PKD1L1: variants seen among roughly 807,000 people sequenced by gnomAD.
PKD1L1 encodes polycystin-1-like protein 1.
A neutral mutation model predicts 323.4 loss-of-function variants in PKD1L1; 236 were observed. The observed-to-expected ratio is 0.73, with a 90% confidence interval of 0.66 to 0.81. PKD1L1 has a LOEUF of 0.81. Ranked by LOEUF, PKD1L1 falls within the 40% of genes least tolerant of loss-of-function variation. The pLI is 0.00. For synonymous variants in PKD1L1, 1,344 were observed against 1,335.0 expected, an observed-to-expected ratio of 1.01 and a Z score of -0.15; for missense variants, 3,320 against 3,508.0, an observed-to-expected ratio of 0.95 and a Z score of 1.35.
At chr7:47,877,752 G>A in intron 21 of PKD1L1, 121 bp from the exon 22 acceptor site, 1 of 1,155,640 alleles carries the variant, frequency 8.7e-7, no homozygotes, top group Non-Finnish European at 1.2e-6. Context: ...CAGACCAGCA[G>A]CATCGGACTA....
At chr7:47,820,314 C>A (rs555834443) in intron 46 of PKD1L1, among the ~76,000 whole-genome samples, 2 of 152,322 alleles carry the variant, frequency 1.3e-5, no homozygotes, top group South Asian at 2.1e-4. Flanking sequence ...GGAAATTTTT[C>A]TGCTTTACAC....
intron 46 of PKD1L1, among the ~76,000 whole-genome samples, chr7:47,820,050 C>G (rs2128732134): frequency 6.6e-6 from 1 of 152,254 alleles, no homozygotes; most frequent in Non-Finnish European, 1.5e-5. Flanking sequence ...TAGCAAAGAA[C>G]CAATATTATT....
At chr7:47,922,193 CAG>C (rs1466053164) in intron 7 of PKD1L1, among the ~76,000 whole-genome samples, 1 of 152,222 alleles carries the variant, frequency 6.6e-6, no homozygotes, top group African/African-American at 2.4e-5. Flanking sequence ...GGATTGCAGA[CAG>C]AGTCTAGCTC....
chr7:47,890,129 C>T (rs970637517), intron 16 of PKD1L1, among the ~76,000 whole-genome samples: 1 of 152,216 alleles, frequency 6.6e-6, no homozygotes, highest in Non-Finnish European at 1.5e-5. Flanking sequence ...ACACTGCTGT[C>T]CCCTCCATCC....
intron 37 of PKD1L1, 55 bp from the exon 38 acceptor site, chr7:47,835,298 A>T (rs1320993632): frequency 7.9e-6 from 9 of 1,141,356 alleles, no homozygotes; most frequent in African/African-American, 3.1e-5. Flanking sequence ...CCCGCTTAAA[A>T]CGCAGTCATT....
At chr7:47,960,404 AG>A in the PKD1L1 span, among the ~76,000 whole-genome samples, 12 of 147,170 alleles carry the variant, frequency 8.2e-5, no homozygotes, top group South Asian at 2.1e-4. Flanking sequence ...ACTGTAAAAA[AG>A]AAAAAAAAAG....
chr7:47,923,202 G>A (rs771800816), intron 7 of PKD1L1, among the ~76,000 whole-genome samples: 3 of 152,088 alleles, frequency 2.0e-5, no homozygotes, highest in South Asian at 2.1e-4. Context: ...TGCGGAAGGC[G>A]GTGGGGCCCT....
At chr7:47,925,931 T>C (rs887262664) in intron 7 of PKD1L1, among the ~76,000 whole-genome samples, 12 of 151,968 alleles carry the variant, frequency 7.9e-5, no homozygotes, top group Admixed American at 2.0e-4. Context: ...GTGCAAAAAA[T>C]AAAATATCAT....
chr7:47,937,056 A>T, intron 3 of PKD1L1, 98 bp from the exon 4 acceptor site: 24 of 914,488 alleles, frequency 2.6e-5, no homozygotes, highest in Non-Finnish European at 3.8e-5. Context: ...ATAGCAGTGG[A>T]CCCCTGCTGT....
In PKD1L1 at chr7:47,792,794, A is replaced by G; in HGVS notation, c.8359T>C (p.Tyr2787His). Residue 2787 changes from tyrosine to histidine, a missense_variant, in exon 56 of 57, where the codon TAC becomes CAC. Tyr to His is a moderately conservative substitution (Grantham distance 83, BLOSUM62 2). Coordinates refer to ENST00000289672, the MANE Select transcript of PKD1L1 (RefSeq NM_138295.5). ...EEAEMVENHN[Y>H]YLDEFANLLD... ...AGATTTGCAAATTCATCCAAGTAGT[A>G]ATTCTGAAGGGAAGAAAATTAGATT... is the stretch of plus-strand genomic sequence containing the variant. 1 of 1,612,084 alleles carries G rather than the reference A, an allele frequency of 6.2e-7. No homozygotes were observed. The highest frequency in any genetic ancestry group is 8.5e-7 in the Non-Finnish European group (1 of 1,178,418).
Position 47,929,356 on chromosome 7 carries a change from C to T in PKD1L1, c.908G>A (p.Arg303Gln), listed in dbSNP as rs145088541. 5,206 of 1,614,128 alleles carry T rather than the reference C, an allele frequency of 3.2e-3. 33 individuals carry two copies. Among genetic ancestry groups the T allele is most frequent in the Non-Finnish European group, 3.3e-3 (3,939 of 1,180,010 alleles). Residue 303 changes from arginine (R) to glutamine (Q), a missense_variant, in exon 7 of 57, where the codon CGG (arginine) becomes CAG (glutamine). Coordinates refer to ENST00000289672, the MANE Select transcript of PKD1L1 (RefSeq NM_138295.5). ...VLNCSLEVEARAPPNLGFRVH... is the reference protein window; with the variant it reads ...VLNCSLEVEAQAPPNLGFRVH... The stretch of plus-strand genomic sequence containing the variant: ...ACGGAATCCCAGATTTGGAGGTGCC[C>T]GAGCTTCCACTTCCAGGGAGCAATT...
At chr7:47,922,565 C>G (rs745310069) in intron 7 of PKD1L1, among the ~76,000 whole-genome samples, 33 of 151,916 alleles carry the variant, frequency 2.2e-4, no homozygotes, top group Non-Finnish European at 4.3e-4. Flanking sequence ...AGGCCGCGAC[C>G]CCGTCTGGGA....
chr7:47,839,464 C>G lies in PKD1L1; in HGVS notation c.5751G>C (p.Gly1917=). The G allele has an allele frequency of 6.2e-7, 1 of 1,611,098 alleles. No individual in the cohort carries two copies. Among genetic ancestry groups the G allele is most frequent in the Non-Finnish European group, 8.5e-7 (1 of 1,178,940 alleles). ...RVERELTCLQ[G]GLGFRKLFYC... ...AGCCTACCTTCCGGAAGCCGAGTCCCCCTTGCAGACAGGTGAGCTCCCGCT... is the reference window on the plus strand; with the variant it reads ...AGCCTACCTTCCGGAAGCCGAGTCCGCCTTGCAGACAGGTGAGCTCCCGCT... The change falls in exon 36 of 57, where the codon GGG becomes GGC. Residue 1917 remains glycine, a synonymous_variant. Coordinates refer to ENST00000289672, the MANE Select transcript of PKD1L1 (RefSeq NM_138295.5). The surrounding 1 kb of genome is among the most constrained non-coding windows in gnomAD (Gnocchi z 4.3).
chr7:47,956,414 G>A, the PKD1L1 span, among the ~76,000 whole-genome samples: 1 of 152,172 alleles, frequency 6.6e-6, no homozygotes, highest in Non-Finnish European at 1.5e-5. Context: ...AAAGAATGGG[G>A]GTGGGGCTCA....
chr7:47,787,780 T>C (rs1487168246), intron 56 of PKD1L1, among the ~76,000 whole-genome samples: 1 of 152,166 alleles, frequency 6.6e-6, no homozygotes, highest in Non-Finnish European at 1.5e-5. Flanking sequence ...GGCATAATCA[T>C]GGCTCACTGC....
intron 13 of PKD1L1, among the ~76,000 whole-genome samples, chr7:47,899,713 T>C (rs1389738379): frequency 1.3e-5 from 2 of 151,928 alleles, no homozygotes; most frequent in African/African-American, 4.8e-5. Context: ...TCCCAGCACT[T>C]TGGGAGGCCA....
intron 46 of PKD1L1, among the ~76,000 whole-genome samples, chr7:47,816,009 G>A (rs1315091687): frequency 6.6e-6 from 1 of 152,152 alleles, no homozygotes; most frequent in Non-Finnish European, 1.5e-5. Context: ...CAGAGGGGAC[G>A]GCGAGGGCTT....
intron 4 of PKD1L1, among the ~76,000 whole-genome samples, chr7:47,934,924 G>A (rs1414200542): frequency 6.6e-6 from 1 of 152,160 alleles, no homozygotes; most frequent in Non-Finnish European, 1.5e-5. Flanking sequence ...CTTCGGATTT[G>A]TAACCAGTGA....
intron 43 of PKD1L1, 145 bp from the exon 44 acceptor site, chr7:47,829,746 C>T (rs1024835905): frequency 1.1e-6 from 1 of 910,320 alleles, no homozygotes; most frequent in African/African-American, 1.7e-5. Context: ...GGATTCCCAG[C>T]CCAACTACTC....
Sources: allele counts gnomAD v4.1 joint callset (sites outside exome capture counted in the v4.1 genomes callset), GRCh38; gene constraint gnomAD v4.1.1; non-coding constraint Gnocchi (gnomAD v3.1); transcripts MANE v1.5; gene names NCBI Gene and HGNC (gene_info 2026-07-23, HGNC 2026-07-21).